Variants in TBC1D19 observed in about 807,000 individuals in gnomAD.
The protein encoded by TBC1D19 is TBC1 domain family member 19.
A neutral mutation model predicts 89.0 loss-of-function variants in TBC1D19; 60 were observed. That is an observed-to-expected ratio of 0.67 (90% CI 0.55 to 0.84). The LOEUF (loss-of-function observed/expected upper bound fraction) is 0.84. Among genes scored for constraint, TBC1D19 ranks in the 40% least tolerant of loss-of-function variants. The pLI is 0.00. For missense variants in TBC1D19, 500 were observed against 610.8 expected (o/e 0.82, Z 1.91); for synonymous variants, 189 against 199.7 (o/e 0.95, Z 0.45).
At chr4:26,716,829 A>G (rs955477910) in intron 13 of TBC1D19, among the ~76,000 whole-genome samples, 1 of 151,782 alleles carries the variant, frequency 6.6e-6, no homozygotes, top group Non-Finnish European at 1.5e-5. Context: ...TTTTTTAAAC[A>G]GAGATGAGGT....
intron 20 of TBC1D19, chr4:26,754,119 A>G: frequency 4.3e-6 from 2 of 463,402 alleles, no homozygotes; most frequent in South Asian, 6.6e-5. Context: ...ATAGGAAACC[A>G]TTATAACCAT....
At chr4:26,649,061 G>A (rs1163947648) in intron 7 of TBC1D19, among the ~76,000 whole-genome samples, 1 of 151,598 alleles carries the variant, frequency 6.6e-6, no homozygotes, top group East Asian at 1.9e-4. Flanking sequence ...ATGTTTGTCA[G>A]TTTCCCTTGT....
chr4:26,720,605 A>T (rs962379057), intron 15 of TBC1D19, among the ~76,000 whole-genome samples: 3 of 152,176 alleles, frequency 2.0e-5, no homozygotes, highest in Non-Finnish European at 4.4e-5. Context: ...TAATGACCTC[A>T]TTAGACATTA....
chr4:26,732,417 G>T (rs1449442515), intron 15 of TBC1D19, among the ~76,000 whole-genome samples: 1 of 152,072 alleles, frequency 6.6e-6, no homozygotes, highest in Non-Finnish European at 1.5e-5. Context: ...ATTACTATCT[G>T]ACATGTATTC....
the TBC1D19 span, among the ~76,000 whole-genome samples, chr4:26,824,113 G>T: frequency 6.6e-6 from 1 of 152,234 alleles, no homozygotes; most frequent in East Asian, 1.9e-4. Context: ...AAGACAATTG[G>T]CTGGATTTGC....
the TBC1D19 span, among the ~76,000 whole-genome samples, chr4:26,838,438 A>G: frequency 3.0e-3 from 457 of 152,316 alleles, 6 homozygotes; most frequent in African/African-American, 0.011. Context: ...TGGCTGACAT[A>G]TATGACTTCA....
At chr4:26,832,748 T>C in the TBC1D19 span, among the ~76,000 whole-genome samples, 1 of 152,154 alleles carries the variant, frequency 6.6e-6, no homozygotes, top group Non-Finnish European at 1.5e-5. Context: ...ATCCCATCAC[T>C]TTGGGAGGCT....
chr4:26,719,000 T>C (rs947778072), intron 14 of TBC1D19, among the ~76,000 whole-genome samples: 4 of 151,998 alleles, frequency 2.6e-5, no homozygotes, highest in African/African-American at 9.7e-5. Flanking sequence ...ACCTTAAAAA[T>C]CATAGGTCCT....
intron 4 of TBC1D19, among the ~76,000 whole-genome samples, chr4:26,621,507 A>G (rs1425957375): frequency 6.6e-5 from 10 of 152,096 alleles, no homozygotes; most frequent in Non-Finnish European, 4.4e-5. Flanking sequence ...ACTCCCATGA[A>G]CCCATCACTC....
Position 26,716,229 on chromosome 4 carries a change from A to C in TBC1D19, c.955-1704A>C, listed in dbSNP as rs1013084245. Among the ~76,000 whole-genome samples, 3 of 152,238 alleles carry C rather than the reference A, an allele frequency of 2.0e-5. No individual in the cohort carries two copies. In the East Asian group the frequency reaches 5.8e-4, roughly 29 times the overall value. On this transcript the variant is annotated intron_variant, in intron 13 of 20. Coordinates refer to ENST00000264866, the MANE Select transcript of TBC1D19 (RefSeq NM_018317.4). ...AAACACAAGGAACAGTGCCTGGTGC[A>C]TAGTAGGGGCAGAAGAAGAGAATTA...
the TBC1D19 span, among the ~76,000 whole-genome samples, chr4:26,791,372 G>C: frequency 6.6e-6 from 1 of 152,210 alleles, no homozygotes; most frequent in African/African-American, 2.4e-5. Context: ...GCTGACCTGT[G>C]AATGAGCAAG....
intron 4 of TBC1D19, among the ~76,000 whole-genome samples, chr4:26,631,211 G>A (rs1258163109): frequency 6.6e-6 from 1 of 152,010 alleles, no homozygotes; most frequent in Non-Finnish European, 1.5e-5. Context: ...AGTGGTATAT[G>A]TTCAATTGAC....
the TBC1D19 span, among the ~76,000 whole-genome samples, chr4:26,786,552 A>G: frequency 1.3e-5 from 2 of 152,076 alleles, no homozygotes; most frequent in Admixed American, 6.5e-5. Context: ...TGCCTAAACT[A>G]GAAAAGGAGA....
upstream of TBC1D19, among the ~76,000 whole-genome samples, chr4:26,582,351 A>G (rs1370115977): frequency 6.6e-6 from 1 of 152,148 alleles, no homozygotes; most frequent in Non-Finnish European, 1.5e-5. Context: ...GGTACATACT[A>G]GGAAGGAAGC....
At chr4:26,818,518 A>C in the TBC1D19 span, among the ~76,000 whole-genome samples, 85 of 152,282 alleles carry the variant, frequency 5.6e-4, no homozygotes, top group African/African-American at 2.0e-3. Context: ...GGCCTCCCAA[A>C]GTGCTGGGAT....
intron 7 of TBC1D19, 80 bp downstream of exon 7, chr4:26,640,267 A>C: frequency 8.4e-7 from 1 of 1,193,898 alleles, no homozygotes. Context: ...ATATCAAGGC[A>C]GAGGGATTAG....
chr4:26,692,919 C>T (rs950724161), intron 13 of TBC1D19, among the ~76,000 whole-genome samples: 5 of 152,042 alleles, frequency 3.3e-5, no homozygotes, highest in African/African-American at 9.7e-5. Flanking sequence ...GCTGTGATAT[C>T]GAGAAAGACA....
chr4:26,794,819 T>TA, the TBC1D19 span, among the ~76,000 whole-genome samples: 1 of 152,110 alleles, frequency 6.6e-6, no homozygotes, highest in Non-Finnish European at 1.5e-5. Flanking sequence ...ACTGCAAAAA[T>TA]AAAAAATCAG....
chr4:26,729,398 A>G (rs1040547085), intron 15 of TBC1D19, among the ~76,000 whole-genome samples: 1 of 152,232 alleles, frequency 6.6e-6, no homozygotes. Context: ...AATAAAATAT[A>G]TTTCCTATCC....
Sources: allele counts gnomAD v4.1 joint callset (sites outside exome capture counted in the v4.1 genomes callset), GRCh38; gene constraint gnomAD v4.1.1; transcripts MANE v1.5; gene names NCBI Gene and HGNC (gene_info 2026-07-23, HGNC 2026-07-21).